HCK: variants seen among roughly 807,000 people sequenced by gnomAD.
HCK encodes HCK proto-oncogene, Src family tyrosine kinase.
A neutral mutation model predicts 70.4 loss-of-function variants in HCK; 40 were observed. The observed-to-expected ratio is 0.57, with a 90% CI of 0.44 to 0.74. The LOEUF (loss-of-function observed/expected upper bound fraction) is 0.74. Ranked by LOEUF, HCK falls within the 30% of genes least tolerant of loss-of-function variation. The pLI is 0.00. For synonymous variants in HCK, 245 were observed against 263.2 expected (o/e 0.93, Z 0.67); for missense variants, 568 against 697.2 (o/e 0.81, Z 2.09).
At position 32,086,749 on chromosome 20, in the gene HCK, A is replaced by T. The variant is rs760080976; in HGVS notation, c.957A>T (p.Lys319Asn). ...CTCTGCAGCATGACAAGCTGGTCAA[A>T]CTTCATGCGGTGGTCACCAAGGAGC... Residue 319 changes from lysine (K) to asparagine (N), a missense_variant, in exon 9 of 13, where the codon AAA becomes AAT. Lys to Asn is a moderately conservative substitution (Grantham distance 94). This residue lies in a region of HCK where 160 missense variants were observed against 237.5 expected (regional missense o/e 0.67). Coordinates refer to ENST00000375852, the MANE Select transcript of HCK (RefSeq NM_002110.5). 1 of 1,607,484 alleles carries T rather than the reference A, an allele frequency of 6.2e-7. No homozygotes were observed. The highest frequency in any genetic ancestry group is 1.1e-5 in the South Asian group (1 of 89,998).
chr20:32,094,699 GAAAAGA>G (rs146578227), intron 11 of HCK, among the ~76,000 whole-genome samples: 2,880 of 68,262 alleles, frequency 0.042, 38 homozygotes, highest in South Asian at 0.046. Context: ...GAAAAGAAAA[GAAAAGA>G]AAAGAAAGAA....
Position 32,079,715 on chromosome 20 carries a change from T to C in HCK, c.429-59T>C, listed in dbSNP as rs2045680319. 9.4e-6 allele frequency: 11 copies of C among 1,172,914 alleles called. No individual in the cohort carries two copies. The South Asian group carries it at 1.3e-4, about 14-fold the overall frequency. 72.7% of individuals were successfully genotyped at this position (1,172,914 alleles called of 1,614,324 possible). ...CCTGCATGGCCACAGGCATCCTGTG[T>C]AGGCCGGACAGGACTGCATGACCCC... is the stretch of plus-strand genomic sequence containing the variant. On this transcript the variant is annotated intron_variant, in intron 5 of 12. Transcript: ENST00000375852.
intron 8 of HCK, among the ~76,000 whole-genome samples, chr20:32,085,833 T>G (rs1292738477): frequency 1.3e-5 from 2 of 152,068 alleles, no homozygotes; most frequent in Non-Finnish European, 2.9e-5. Flanking sequence ...GACTGGCACA[T>G]AAAAGGCAAG....
chr20:32,065,731 T>C (rs552971359), intron 1 of HCK, among the ~76,000 whole-genome samples: 2 of 152,248 alleles, frequency 1.3e-5, no homozygotes, highest in African/African-American at 4.8e-5. Context: ...GGCCAGAGGA[T>C]ATGGGATTCT....
intron 1 of HCK, among the ~76,000 whole-genome samples, chr20:32,053,726 G>A (rs57242437): frequency 0.096 from 14,421 of 150,710 alleles, 1,008 homozygotes; most frequent in Admixed American, 0.22. Flanking sequence ...TGTTAACATT[G>A]CCCTAGCTAG....
intron 1 of HCK, among the ~76,000 whole-genome samples, chr20:32,053,137 C>T (rs574014056): frequency 2.6e-5 from 4 of 152,272 alleles, no homozygotes; most frequent in Admixed American, 2.0e-4. Flanking sequence ...GCTATGAAGT[C>T]TTTCTTGCAA....
intron 6 of HCK, among the ~76,000 whole-genome samples, chr20:32,081,793 C>G (rs1276193270): frequency 6.6e-6 from 1 of 152,218 alleles, no homozygotes; most frequent in African/African-American, 2.4e-5. Context: ...GTGCCCAGGA[C>G]AGCTTTTGGC....
At chr20:32,057,274 C>T (rs1202498172) in intron 1 of HCK, among the ~76,000 whole-genome samples, 1 of 152,198 alleles carries the variant, frequency 6.6e-6, no homozygotes, top group Non-Finnish European at 1.5e-5. Flanking sequence ...CCCCACCCTT[C>T]GGGTCATGAC....
At chr20:32,094,652 C>T (rs914515031) in intron 11 of HCK, among the ~76,000 whole-genome samples, 2 of 148,582 alleles carry the variant, frequency 1.3e-5, no homozygotes, top group African/African-American at 2.5e-5. Flanking sequence ...CATGCCACTG[C>T]ACCCAGCCTG....
At chr20:32,086,868 A>T in intron 9 of HCK, 61 bp downstream of exon 9, 1 of 1,456,250 alleles carries the variant, frequency 6.9e-7, no homozygotes, top group Non-Finnish European at 9.2e-7. Flanking sequence ...TGCGGGCCCA[A>T]GGGTGGCTTG....
chr20:32,062,901 C>A (rs1167977267), intron 1 of HCK, among the ~76,000 whole-genome samples: 1 of 152,178 alleles, frequency 6.6e-6, no homozygotes, highest in African/African-American at 2.4e-5. Context: ...ACCCCCATTG[C>A]TGAGCTGTTC....
At chr20:32,089,224 C>A (rs1425711874) in intron 10 of HCK, among the ~76,000 whole-genome samples, 1 of 152,246 alleles carries the variant, frequency 6.6e-6, no homozygotes, top group African/African-American at 2.4e-5. Flanking sequence ...ATAGCCATGC[C>A]CAGAATCAGT....
At chr20:32,064,297 C>T (rs540684367) in intron 1 of HCK, among the ~76,000 whole-genome samples, 17 of 152,260 alleles carry the variant, frequency 1.1e-4, no homozygotes, top group Non-Finnish European at 1.8e-4. Flanking sequence ...CCCATCCACC[C>T]ATCTCTGCTT....
chr20:32,086,680 C>CA lies in HCK; in HGVS notation c.889dup (p.Met297AsnfsTer19), dbSNP rs1372325936. ...CAGTGAAGACGATGAAGCCAGGGAG[C>CA]ATGTCGGTGGAGGCCTTCCTGGCAG... On this transcript the variant is annotated frameshift_variant, in exon 9 of 13. Transcript: ENST00000375852. LOFTEE classifies it high-confidence loss of function. 6.2e-7 allele frequency: 1 copy of CA among 1,613,348 alleles called. No homozygotes were observed. Among genetic ancestry groups the CA allele is most frequent in the East Asian group, 2.2e-5 (1 of 44,726 alleles).
chr20:32,098,921 C>A, intron 11 of HCK, 83 bp from the exon 12 acceptor site: 2 of 1,489,150 alleles, frequency 1.3e-6, no homozygotes, highest in Non-Finnish European at 1.8e-6. Flanking sequence ...GCAGCTCTTG[C>A]CCTTGCCTGT....
intron 4 of HCK, among the ~76,000 whole-genome samples, chr20:32,074,222 G>A (rs537838055): frequency 2.7e-4 from 41 of 152,236 alleles, no homozygotes; most frequent in Admixed American, 8.5e-4. Flanking sequence ...GCTGAAGCCC[G>A]AGAACGGGAG....
chr20:32,080,965 T>G (rs898113381), intron 6 of HCK, among the ~76,000 whole-genome samples: 1 of 152,166 alleles, frequency 6.6e-6, no homozygotes, highest in South Asian at 2.1e-4. Flanking sequence ...GGTGCACATC[T>G]GTACTCCCTG....
At chr20:32,088,478 A>G (rs566153635) in intron 9 of HCK, 90 bp from the exon 10 acceptor site, 1 of 849,878 alleles carries the variant, frequency 1.2e-6, no homozygotes, top group Non-Finnish European at 1.9e-6. Flanking sequence ...TTCACCACAC[A>G]CTAAAGTACT....
chr20:32,086,690 G>A lies in HCK; in HGVS notation c.898G>A (p.Glu300Lys). 3 of 1,613,464 alleles carry A rather than the reference G, an allele frequency of 1.9e-6. No homozygotes were observed. Among genetic ancestry groups the A allele is most frequent in the Non-Finnish European group, 2.5e-6 (3 of 1,179,672 alleles). Residue 300 changes from glutamate (E) to lysine (K), a missense_variant, in exon 9 of 13, where the codon GAG (glutamate) becomes AAG (lysine). By Grantham distance (56) the Glu-to-Lys change is moderately conservative. Around this residue, in one of 4 missense-constraint regions of HCK, gnomAD observed 160 missense variants for 237.5 expected, o/e 0.67. Coordinates refer to ENST00000375852, the MANE Select transcript of HCK (RefSeq NM_002110.5). ...GATGAAGCCAGGGAGCATGTCGGTG[G>A]AGGCCTTCCTGGCAGAGGCCAACGT...
Sources: allele counts gnomAD v4.1 joint callset (sites outside exome capture counted in the v4.1 genomes callset), GRCh38; gene constraint gnomAD v4.1.1; regional missense constraint gnomAD v4.1.1; transcripts MANE v1.5; gene names NCBI Gene and HGNC (gene_info 2026-07-23, HGNC 2026-07-21).